Variants in DHX33 observed in about 807,000 individuals in gnomAD.
DHX33 encodes DEAH-box helicase 33.
DHX33 carries 42 observed loss-of-function variants against 72.5 expected under a neutral mutation model. The observed-to-expected ratio is 0.58, with a 90% CI of 0.45 to 0.75. The LOEUF is 0.75. DHX33 is among the 30% of genes least tolerant of loss of function. The pLI is 0.00. For synonymous variants in DHX33, 358 were observed against 366.1 expected, an observed-to-expected ratio of 0.98 and a Z score of 0.25; for missense variants, 842 against 917.5, an observed-to-expected ratio of 0.92 and a Z score of 1.06.
At chr17:5,450,171 T>C (rs777515501) in intron 10 of DHX33, 32 bp downstream of exon 10, 2 of 1,610,474 alleles carry the variant, frequency 1.2e-6, no homozygotes, top group Non-Finnish European at 1.7e-6. Flanking sequence ...CAAGCAGCTA[T>C]CGCTGGAGAA....
Position 5,455,998 on chromosome 17 carries a change from T to C in DHX33, c.1034A>G (p.Lys345Arg). Residue 345 changes from lysine to arginine, a missense_variant and splice_region_variant, in exon 5 of 12, where the codon AAG becomes AGG. Lys to Arg is a conservative substitution (Grantham distance 26). Coordinates refer to ENST00000225296, the MANE Select transcript of DHX33 (RefSeq NM_020162.4). ...GGACAGAAGAGGTGGTGCACTCACC[T>C]TTGGGGCCCCTTGGAAGACTCGGAG... ...QQLRVFQGAP[K>R]GYRKVIISTN... 1 of 1,611,658 alleles carries C rather than the reference T, an allele frequency of 6.2e-7. No homozygotes were observed. The highest frequency in any genetic ancestry group is 8.5e-7 in the Non-Finnish European group (1 of 1,179,648).
intron 11 of DHX33, among the ~76,000 whole-genome samples, chr17:5,447,739 G>T (rs1916715581): frequency 6.6e-6 from 1 of 152,224 alleles, no homozygotes; most frequent in African/African-American, 2.4e-5. Context: ...ACATACGGAG[G>T]ATGGTCACTA....
rs773871793 is a variant in DHX33, at chr17:5,453,997, C to T, written c.1148-17G>A. The T allele has an allele frequency of 1.2e-6, 2 of 1,611,204 alleles. No homozygotes were observed. Among genetic ancestry groups the T allele is most frequent in the Non-Finnish European group, 1.7e-6 (2 of 1,179,242 alleles). On this transcript the variant is annotated splice_polypyrimidine_tract_variant and intron_variant, in intron 6 of 11. Transcript: ENST00000225296. ...GACCACTGTCTGGATGGAGAGTGAG[C>T]CCCATTAGTGCTTCATCACATGAAC...
chr17:5,467,860 C>G (rs1567605497), intron 1 of DHX33, among the ~76,000 whole-genome samples: 1 of 152,188 alleles, frequency 6.6e-6, no homozygotes, highest in Non-Finnish European at 1.5e-5. Context: ...CAGGTTTTAA[C>G]TAAAGAAAAG....
chr17:5,448,676 CT>C, intron 11 of DHX33, 132 bp downstream of exon 11: 1 of 551,952 alleles, frequency 1.8e-6, no homozygotes, highest in Admixed American at 4.2e-5. Flanking sequence ...GGGTAACTTC[CT>C]TTTTTCTTAT....
chr17:5,442,661 G>A lies in DHX33; in HGVS notation c.*1544C>T, dbSNP rs1225550489. The A allele has an allele frequency of 6.6e-6, 1 of 152,190 alleles. No individual in the cohort carries two copies. Among genetic ancestry groups the A allele is most frequent in the African/African-American group, 2.4e-5 (1 of 41,450 alleles). 9.4% of individuals were successfully genotyped at this position (152,190 alleles called of 1,614,324 possible). A position where few individuals can be genotyped will look rare whatever the true frequency, so the allele number is the denominator to read the frequency against. On this transcript the variant is annotated 3_prime_UTR_variant, in exon 12 of 12. Coordinates refer to ENST00000225296, the MANE Select transcript of DHX33 (RefSeq NM_020162.4). ...CATCAGGCCACAGCTTCCAGAAAGAGAGCATCCATGATCTCTGAAGAGCCT... is the reference window on the plus strand; with the variant it reads ...CATCAGGCCACAGCTTCCAGAAAGAAAGCATCCATGATCTCTGAAGAGCCT...
intron 4 of DHX33, among the ~76,000 whole-genome samples, chr17:5,458,133 G>A (rs1904410792): frequency 6.6e-6 from 1 of 152,104 alleles, no homozygotes; most frequent in Non-Finnish European, 1.5e-5. Context: ...GGACGGCCAG[G>A]AGACTGGGAA....
At chr17:5,466,451 AAACAG>A (rs1904879236) in intron 1 of DHX33, among the ~76,000 whole-genome samples, 1 of 152,060 alleles carries the variant, frequency 6.6e-6, no homozygotes, top group East Asian at 1.9e-4. Flanking sequence ...TTTTTCCTCA[AAACAG>A]AAGCCTCTTC....
At chr17:5,456,566 G>A (rs370994975) in intron 4 of DHX33, among the ~76,000 whole-genome samples, 3 of 152,124 alleles carry the variant, frequency 2.0e-5, no homozygotes, top group African/African-American at 7.2e-5. Flanking sequence ...CAGCCTGGGC[G>A]ACAGAACGAG....
intron 11 of DHX33, among the ~76,000 whole-genome samples, chr17:5,446,034 C>T (rs949522468): frequency 3.9e-5 from 6 of 152,144 alleles, no homozygotes; most frequent in African/African-American, 9.7e-5. Context: ...AGTGCAGTGG[C>T]ACAATCCCAG....
In DHX33 at chr17:5,442,349, G is replaced by GAAAACAA. The variant is rs375808058; in HGVS notation, c.*1849_*1855dup. ...GACTAAACATTCTAATCCCCTACTG[G>GAAAACAA]AAAACAAAAAACAAAAAACAAAAAC... On this transcript the variant is annotated 3_prime_UTR_variant, in exon 12 of 12. Transcript: ENST00000225296. 15 of 137,112 alleles carry GAAAACAA rather than the reference G, an allele frequency of 1.1e-4. No homozygotes were observed. The East Asian group carries it at 3.5e-3, about 32-fold the overall frequency. The allele number at this position is 137,112 out of a possible 1,614,324, so 8.5% of individuals were successfully genotyped here.
At position 5,441,659 on chromosome 17, in the gene DHX33, A is replaced by G. The variant is rs1260198186; in HGVS notation, c.*2546T>C. On this transcript the variant is annotated 3_prime_UTR_variant, in exon 12 of 12. Coordinates refer to ENST00000225296, the MANE Select transcript of DHX33 (RefSeq NM_020162.4). ...AGAATGGGTTTTCCAATCTGATTTAATCCCTGAGCAGCTATGTTAAAAGTT... is the reference window on the plus strand; with the variant it reads ...AGAATGGGTTTTCCAATCTGATTTAGTCCCTGAGCAGCTATGTTAAAAGTT... 1 of 152,188 alleles carries G rather than the reference A, an allele frequency of 6.6e-6. No individual in the cohort carries two copies. The highest frequency in any genetic ancestry group is 1.5e-5 in the Non-Finnish European group (1 of 68,032). The allele number at this position is 152,188 out of a possible 1,614,324, so 9.4% of individuals were successfully genotyped here. A position where few individuals can be genotyped will look rare whatever the true frequency, so the allele number is the denominator to read the frequency against.
intron 11 of DHX33, among the ~76,000 whole-genome samples, chr17:5,446,621 A>G (rs1479990252): frequency 1.3e-5 from 2 of 152,234 alleles, no homozygotes; most frequent in East Asian, 3.8e-4. Context: ...CATGAATGAT[A>G]GTGATTATTT....
At position 5,463,686 on chromosome 17, in the gene DHX33, T is replaced by G. The variant is rs1904744733; in HGVS notation, c.293A>C (p.Glu98Ala). Residue 98 changes from glutamate (E) to alanine (A), a missense_variant, in exon 2 of 12, where the codon GAA (glutamate) becomes GCA (alanine). Transcript: ENST00000225296. ...CTGAGTTGTCTTCCCAGAGCCAGTT[T>G]CCCCTAGGAGAGAGGGGGAAAAAAA... ...RNLDNAVLIG[E>A]TGSGKTTQIP... The G allele has an allele frequency of 1.9e-6, 3 of 1,603,192 alleles. No individual in the cohort carries two copies. Among genetic ancestry groups the G allele is most frequent in the Non-Finnish European group, 2.5e-6 (3 of 1,176,578 alleles).
chr17:5,447,648 C>T (rs981823836), intron 11 of DHX33, among the ~76,000 whole-genome samples: 20 of 151,762 alleles, frequency 1.3e-4, no homozygotes, highest in African/African-American at 4.6e-4. Flanking sequence ...GGAAAAAAAA[C>T]ACTTTGCGGT....
chr17:5,462,535 T>G lies in DHX33; in HGVS notation c.462A>C (p.Thr154=), dbSNP rs773171121. 3 of 1,613,380 alleles carry G rather than the reference T, an allele frequency of 1.9e-6. No homozygotes were observed. In the African/African-American group the frequency reaches 4.0e-5, roughly 22 times the overall value. ...CTGAGGTGACATCATCAAAGCGCACTGTATAGCCAACCTGTGCAGGGAAAC... is the reference window on the plus strand; with the variant it reads ...CTGAGGTGACATCATCAAAGCGCACGGTATAGCCAACCTGTGCAGGGAAAC... ...RTELGKLVGY[T]VRFDDVTSED... The change falls in exon 3 of 12, where the codon ACA becomes ACC. Residue 154 remains threonine (T), a synonymous_variant. Coordinates refer to ENST00000225296, the MANE Select transcript of DHX33 (RefSeq NM_020162.4).
rs1916520099 is a variant in DHX33, at chr17:5,443,704, C to T, written c.*501G>A. 6.5e-6 allele frequency: 1 copy of T among 153,456 alleles called. No individual in the cohort carries two copies. Among genetic ancestry groups the T allele is most frequent in the Non-Finnish European group, 1.4e-5 (1 of 68,968 alleles). The allele number at this position is 153,456 out of a possible 1,614,324, so 9.5% of individuals were successfully genotyped here. ...AGAACTAAGGGCAACATCCAAGCTCCGCAACCTCCTGTGGCCCTTCCAGAA... is the reference window on the plus strand; with the variant it reads ...AGAACTAAGGGCAACATCCAAGCTCTGCAACCTCCTGTGGCCCTTCCAGAA... On this transcript the variant is annotated 3_prime_UTR_variant, in exon 12 of 12. Transcript: ENST00000225296.
At chr17:5,455,421 G>T in intron 5 of DHX33, 150 bp from the exon 6 acceptor site, 1 of 687,938 alleles carries the variant, frequency 1.5e-6, no homozygotes, top group Non-Finnish European at 2.5e-6. Context: ...ATTAATGGTT[G>T]GTCATTAAAC....
chr17:5,444,216 C>A lies in DHX33; in HGVS notation c.2113G>T (p.Ala705Ser), dbSNP rs376884742. The A allele has an allele frequency of 1.9e-6, 3 of 1,612,384 alleles. No individual in the cohort carries two copies. Among genetic ancestry groups the A allele is most frequent in the East Asian group, 4.5e-5 (2 of 44,850 alleles). The change falls in exon 12 of 12, where the codon GCC becomes TCC. Residue 705 changes from alanine (A) to serine (S), a missense_variant. By Grantham distance (99) the Ala-to-Ser change is moderately conservative (BLOSUM62 1). Coordinates refer to ENST00000225296, the MANE Select transcript of DHX33 (RefSeq NM_020162.4). This position sits in a 1 kb window ranked among gnomAD's most constrained non-coding sequence, Gnocchi z 4.9. ...CATCCTGGGGCGGCTCAGTTTCTGG[C>A]GGTTCTCAGCTTCCTCCTAAAGTAC... The part of the protein sequence containing the change: ...PEYFRRKLRT[A>S]RN
Sources: allele counts gnomAD v4.1 joint callset (sites outside exome capture counted in the v4.1 genomes callset), GRCh38; gene constraint gnomAD v4.1.1; non-coding constraint Gnocchi (gnomAD v3.1); transcripts MANE v1.5; gene names NCBI Gene and HGNC (gene_info 2026-07-23, HGNC 2026-07-21).